PHF11: variants seen among roughly 807,000 people sequenced by gnomAD.
PHF11 encodes BRCA1 C-terminus-associated protein.
A neutral mutation model predicts 40.5 loss-of-function variants in PHF11; 38 were observed. The observed-to-expected ratio is 0.94, with a 90% confidence interval of 0.72 to 1.23. The LOEUF is 1.23. Ranked by LOEUF, PHF11 falls within the 50% of genes most tolerant of loss-of-function variation. The pLI is 0.00. For synonymous variants in PHF11, 127 were observed against 138.2 expected, an observed-to-expected ratio of 0.92 and a Z score of 0.57; for missense variants, 369 against 392.4, an observed-to-expected ratio of 0.94 and a Z score of 0.50.
chr13:49,517,670 C>T (rs1287100272), intron 3 of PHF11, among the ~76,000 whole-genome samples: 1 of 152,150 alleles, frequency 6.6e-6, no homozygotes, highest in Non-Finnish European at 1.5e-5. Context: ...CCTAGTGGGG[C>T]CCCTTGCCTG....
At chr13:49,525,031 T>TA (rs1311192688) in intron 8 of PHF11, among the ~76,000 whole-genome samples, 1 of 152,224 alleles carries the variant, frequency 6.6e-6, no homozygotes, top group Admixed American at 6.5e-5. Flanking sequence ...AGTGTTATGT[T>TA]ACAGTTTTGA....
At chr13:49,523,779 C>G (rs372426600) in intron 7 of PHF11, 3 of 217,406 alleles carry the variant, frequency 1.4e-5, no homozygotes, top group South Asian at 9.5e-5. Flanking sequence ...CACCTGTTCC[C>G]CAAAAGGTAT....
intron 1 of PHF11, 113 bp downstream of exon 1, chr13:49,496,208 C>G (rs995920077): frequency 8.7e-6 from 6 of 692,528 alleles, no homozygotes; most frequent in Admixed American, 4.5e-5. Flanking sequence ...GCCCCTACTC[C>G]GGGCCGGGGC....
Position 49,496,112 on chromosome 13 carries a change from CGGG to C in PHF11, c.94+18_94+20del. ...TTCCCACCGGTGTGTACCGCGGGGG[CGGG>C]CGGGCGGGCGGGCGGGGCTGGGCAG... On this transcript the variant is annotated intron_variant, in intron 1 of 9. Transcript: ENST00000378319. 1 of 12,972 alleles carries C rather than the reference CGGG, an allele frequency of 7.7e-5. No individual in the cohort carries two copies. Among genetic ancestry groups the C allele is most frequent in the Non-Finnish European group, 1.5e-4 (1 of 6,620 alleles). 0.8% of individuals were successfully genotyped at this position (12,972 alleles called of 1,614,324 possible).
At position 49,501,574 on chromosome 13, in the gene PHF11, A is replaced by G. The variant is rs1958908534; in HGVS notation, c.95-5061A>G. Among the ~76,000 whole-genome samples, 10 of 152,354 alleles carry G rather than the reference A, an allele frequency of 6.6e-5. No homozygotes were observed. In the South Asian group the frequency reaches 2.1e-3, roughly 32 times the overall value. ...GCACAGGAGGAACAGATCCAACTATATGAAAAGGAGATTTTAAATTAGTGG... is the reference window on the plus strand; with the variant it reads ...GCACAGGAGGAACAGATCCAACTATGTGAAAAGGAGATTTTAAATTAGTGG... On this transcript the variant is annotated intron_variant, in intron 1 of 9. Transcript: ENST00000378319.
At chr13:49,497,068 C>A in intron 1 of PHF11, 1 of 1,271,338 alleles carries the variant, frequency 7.9e-7, no homozygotes. Flanking sequence ...CAAGACTCAG[C>A]CAAAGGTGGA....
At chr13:49,503,523 A>G (rs1190637580) in intron 1 of PHF11, among the ~76,000 whole-genome samples, 2 of 152,196 alleles carry the variant, frequency 1.3e-5, no homozygotes, top group Non-Finnish European at 2.9e-5. Flanking sequence ...GCCCCTCACC[A>G]CAGATAGCTG....
chr13:49,512,683 C>G (rs865922543), intron 2 of PHF11, among the ~76,000 whole-genome samples: 4 of 152,144 alleles, frequency 2.6e-5, no homozygotes, highest in South Asian at 4.1e-4. Context: ...CTAGAATGTC[C>G]TCTTTCTAGC....
At chr13:49,519,036 C>T (rs964999076) in intron 4 of PHF11, among the ~76,000 whole-genome samples, 84 of 151,928 alleles carry the variant, frequency 5.5e-4, no homozygotes, top group East Asian at 3.3e-3. Context: ...GGGGTTTCAC[C>T]GTGTTAGCCA....
chr13:49,519,539 G>A (rs748926115), intron 4 of PHF11, among the ~76,000 whole-genome samples: 1 of 151,960 alleles, frequency 6.6e-6, no homozygotes, highest in Non-Finnish European at 1.5e-5. Context: ...CATACATGAG[G>A]CACCTTGCTA....
chr13:49,517,996 AG>A (rs1432663849), intron 3 of PHF11, 21 bp from the exon 4 acceptor site: 1 of 1,198,996 alleles, frequency 8.3e-7, no homozygotes, highest in African/African-American at 2.8e-5. Flanking sequence ...GTACTTACTC[AG>A]TAAAATCTAT....
Position 49,518,065 on chromosome 13 carries a change from A to T in PHF11, c.372A>T (p.Leu124Phe), listed in dbSNP as rs535970430. Residue 124 changes from leucine to phenylalanine, a missense_variant, in exon 4 of 10, where the codon TTA (leucine) becomes TTT (phenylalanine). Physicochemically the swap from Leu to Phe is conservative, Grantham distance 22. Coordinates refer to ENST00000378319, the MANE Select transcript of PHF11 (RefSeq NM_001040443.3). Reference sequence around the variant, plus strand: ...GAGGAGCCACCGTGGGATGTGATTTAAAAAACTGTAACAAGAATTACCACT... The same window carrying T: ...GAGGAGCCACCGTGGGATGTGATTTTAAAAACTGTAACAAGAATTACCACT... ...HKRGATVGCD[L>F]KNCNKNYHFF... The T allele has an allele frequency of 1.3e-6, 2 of 1,595,680 alleles. No individual in the cohort carries two copies. Among genetic ancestry groups the T allele is most frequent in the Non-Finnish European group, 1.7e-6 (2 of 1,164,672 alleles).
chr13:49,496,104 C>A lies in PHF11; in HGVS notation c.94+9C>A. On this transcript the variant is annotated intron_variant, in intron 1 of 9. Transcript: ENST00000378319. ...GCTCCTCCTTCCCACCGGTGTGTAC[C>A]GCGGGGGCGGGCGGGCGGGCGGGCG... 3 of 417,482 alleles carry A rather than the reference C, an allele frequency of 7.2e-6. No individual in the cohort carries two copies. The highest frequency in any genetic ancestry group is 6.7e-6 in the Non-Finnish European group (2 of 299,772). The allele number at this position is 417,482 out of a possible 1,614,324, so 25.9% of individuals were successfully genotyped here. A position where few individuals can be genotyped will look rare whatever the true frequency, so the allele number is the denominator to read the frequency against.
chr13:49,506,352 T>A (rs1958988817), intron 1 of PHF11, among the ~76,000 whole-genome samples: 1 of 152,148 alleles, frequency 6.6e-6, no homozygotes, highest in Non-Finnish European at 1.5e-5. Flanking sequence ...CACTCCAGCC[T>A]GGTCAACTGA....
At chr13:49,504,546 T>G (rs1300401585) in intron 1 of PHF11, among the ~76,000 whole-genome samples, 4 of 49,864 alleles carry the variant, frequency 8.0e-5, no homozygotes, top group Admixed American at 6.9e-4. Flanking sequence ...TACTGGGAAG[T>G]GAGGAGCCCC....
intron 1 of PHF11, among the ~76,000 whole-genome samples, 154 bp from the exon 2 acceptor site, chr13:49,506,481 C>G (rs549629995): frequency 1.3e-5 from 2 of 152,164 alleles, no homozygotes; most frequent in Non-Finnish European, 2.9e-5. Flanking sequence ...AAATAAATAG[C>G]TTTTTCACTT....
In PHF11 at chr13:49,496,106, CGGGGGCGGGCGG is replaced by C; in HGVS notation, c.94+13_94+24del. 3.5e-6 allele frequency: 1 copy of C among 283,038 alleles called. No individual in the cohort carries two copies. The highest frequency in any genetic ancestry group is 5.1e-6 in the Non-Finnish European group (1 of 197,674). 17.5% of individuals were successfully genotyped at this position (283,038 alleles called of 1,614,324 possible). ...TCCTCCTTCCCACCGGTGTGTACCG[CGGGGGCGGGCGG>C]GCGGGCGGGCGGGGCTGGGCAGCGA... On this transcript the variant is annotated intron_variant, in intron 1 of 9. Coordinates refer to ENST00000378319, the MANE Select transcript of PHF11 (RefSeq NM_001040443.3).
intron 2 of PHF11, among the ~76,000 whole-genome samples, chr13:49,506,990 G>A (rs908444792): frequency 3.0e-5 from 4 of 131,264 alleles, no homozygotes; most frequent in Non-Finnish European, 3.1e-5. Flanking sequence ...TGCAAGCTCC[G>A]CTTCCCGGGT....
Position 49,528,761 on chromosome 13 carries a change from C to T in PHF11, c.*96C>T. 2.4e-6 allele frequency: 2 copies of T among 838,712 alleles called. No homozygotes were observed. Among genetic ancestry groups the T allele is most frequent in the East Asian group, 4.9e-5 (2 of 40,440 alleles). 52.0% of individuals were successfully genotyped at this position (838,712 alleles called of 1,614,324 possible). A position where few individuals can be genotyped will look rare whatever the true frequency, so the allele number is the denominator to read the frequency against. ...AAATCCACACATCTTTAGAACTAGTCGTCTCCTCTTGGCCTCAGCAGCTCT... is the reference window on the plus strand; with the variant it reads ...AAATCCACACATCTTTAGAACTAGTTGTCTCCTCTTGGCCTCAGCAGCTCT... On this transcript the variant is annotated 3_prime_UTR_variant, in exon 10 of 10. Coordinates refer to ENST00000378319, the MANE Select transcript of PHF11 (RefSeq NM_001040443.3).
Sources: gnomAD v4.1 joint callset for allele counts (sites outside exome capture counted in the v4.1 genomes callset) on GRCh38, gnomAD v4.1.1 for gene constraint, MANE v1.5 for transcripts, NCBI Gene and HGNC (gene_info 2026-07-23, HGNC 2026-07-21) for gene names.